The following TLE4 variants were observed in gnomAD, a reference collection of about 807,000 sequenced individuals.
TLE4 encodes transducin-like enhancer protein 4.
A neutral mutation model predicts 92.8 loss-of-function variants in TLE4; 8 were observed. The ratio of observed to expected loss-of-function variants is 0.09; its 90% confidence interval spans 0.05 to 0.16. TLE4 has a LOEUF of 0.16. Ranked by LOEUF, TLE4 falls within the 10% of genes least tolerant of loss-of-function variation. The pLI, the probability that TLE4 is intolerant of heterozygous loss-of-function variation, is 1.00. For synonymous variants in TLE4, 371 were observed against 374.1 expected (o/e 0.99, Z 0.10); for missense variants, 675 against 997.6 (o/e 0.68, Z 4.36).
intron 4 of TLE4, among the ~76,000 whole-genome samples, chr9:79,593,050 C>G (rs1338164068): frequency 6.6e-6 from 1 of 152,138 alleles, no homozygotes; most frequent in Non-Finnish European, 1.5e-5. Flanking sequence ...GTATTTTCAA[C>G]CTTTACCCCT....
At chr9:79,573,464 C>T (rs2036548538) in intron 1 of TLE4, 6 of 1,035,752 alleles carry the variant, frequency 5.8e-6, no homozygotes, top group Non-Finnish European at 7.5e-6. Context: ...GTCCGGGGCG[C>T]GGGGGCCTGC....
chr9:79,715,847 G>T (rs2074390980), intron 14 of TLE4, among the ~76,000 whole-genome samples: 1 of 152,042 alleles, frequency 6.6e-6, no homozygotes, highest in Non-Finnish European at 1.5e-5. Flanking sequence ...GGTTCACAAA[G>T]AAGAGCTTAT....
chr9:79,611,225 A>G (rs1022513471), intron 4 of TLE4, among the ~76,000 whole-genome samples: 1 of 152,062 alleles, frequency 6.6e-6, no homozygotes, highest in African/African-American at 2.4e-5. Context: ...TGGCTTAAGC[A>G]TTCTTAAAGG....
At chr9:79,678,712 C>A (rs2063780420) in intron 8 of TLE4, among the ~76,000 whole-genome samples, 2 of 151,650 alleles carry the variant, frequency 1.3e-5, no homozygotes, top group South Asian at 4.2e-4. Flanking sequence ...TGTTGGTGTA[C>A]TGCATCCATT....
intron 8 of TLE4, among the ~76,000 whole-genome samples, chr9:79,704,457 G>C (rs1269357444): frequency 6.6e-6 from 1 of 152,080 alleles, no homozygotes; most frequent in Non-Finnish European, 1.5e-5. Context: ...CAATATATCC[G>C]TAAAACCAAA....
At chr9:79,644,068 A>G (rs11138316) in intron 6 of TLE4, among the ~76,000 whole-genome samples, 83,564 of 151,902 alleles carry the variant, frequency 0.55, 25,544 homozygotes, top group East Asian at 0.74. Flanking sequence ...CTCATCTTGA[A>G]TTATAGTTCC....
At chr9:79,582,190 C>G (rs1043515088) in intron 4 of TLE4, among the ~76,000 whole-genome samples, 2 of 152,024 alleles carry the variant, frequency 1.3e-5, no homozygotes, top group Non-Finnish European at 2.9e-5. Flanking sequence ...GAAAGAGGTT[C>G]GTCGATGCAG....
chr9:79,649,814 C>T, intron 6 of TLE4: 1 of 1,365,192 alleles, frequency 7.3e-7, no homozygotes, highest in Non-Finnish European at 9.8e-7. Context: ...ATTTTTTATC[C>T]TGTAGGAGAA....
chr9:79,723,625 G>C (rs1279869139), intron 19 of TLE4, among the ~76,000 whole-genome samples: 1 of 152,160 alleles, frequency 6.6e-6, no homozygotes, highest in East Asian at 1.9e-4. Context: ...GAATTTCATA[G>C]GCAAGGTGAA....
At chr9:79,668,115 G>A (rs2061695400) in intron 8 of TLE4, among the ~76,000 whole-genome samples, 1 of 152,224 alleles carries the variant, frequency 6.6e-6, no homozygotes, top group Non-Finnish European at 1.5e-5. Context: ...GTATACAGTG[G>A]TGGTATTGAC....
At chr9:79,708,048 C>T in intron 11 of TLE4, 70 bp from the exon 12 acceptor site, 1 of 1,500,638 alleles carries the variant, frequency 6.7e-7, no homozygotes. Flanking sequence ...TTTTCTTTAC[C>T]TTTTTACTGT....
chr9:79,715,939 C>T (rs948301252), intron 14 of TLE4, among the ~76,000 whole-genome samples: 1 of 152,192 alleles, frequency 6.6e-6, no homozygotes, highest in African/African-American at 2.4e-5. Context: ...GAGTGCTCCA[C>T]GTTCTATTTC....
At chr9:79,595,431 A>G (rs1278083215) in intron 4 of TLE4, among the ~76,000 whole-genome samples, 1 of 152,200 alleles carries the variant, frequency 6.6e-6, no homozygotes, top group East Asian at 1.9e-4. Context: ...TTAAAAAACA[A>G]AACAAAAAAC....
intron 6 of TLE4, among the ~76,000 whole-genome samples, chr9:79,646,625 T>A (rs887585797): frequency 1.3e-5 from 2 of 152,144 alleles, no homozygotes; most frequent in Non-Finnish European, 2.9e-5. Flanking sequence ...ATAAAATACC[T>A]GCTACTCTAG....
intron 4 of TLE4, among the ~76,000 whole-genome samples, chr9:79,604,474 G>GT (rs1229265726): frequency 1.3e-5 from 2 of 152,122 alleles, no homozygotes; most frequent in Admixed American, 6.6e-5. Flanking sequence ...TTGTAAGGAT[G>GT]TTTTGGTAAT....
At chr9:79,652,954 C>T in intron 7 of TLE4, 160 bp downstream of exon 7, 1 of 842,670 alleles carries the variant, frequency 1.2e-6, no homozygotes, top group Non-Finnish European at 2.0e-6. Flanking sequence ...AGTCAATTGC[C>T]AAATGATATT....
intron 8 of TLE4, among the ~76,000 whole-genome samples, chr9:79,702,422 G>T (rs571359069): frequency 6.6e-6 from 1 of 152,308 alleles, no homozygotes; most frequent in South Asian, 2.1e-4. Flanking sequence ...ATGATTGCAT[G>T]CATGGTTTCA....
intron 4 of TLE4, among the ~76,000 whole-genome samples, chr9:79,603,897 T>TG (rs1377295768): frequency 6.6e-6 from 1 of 152,184 alleles, no homozygotes; most frequent in Non-Finnish European, 1.5e-5. Context: ...GGGTCTGGTC[T>TG]GTGGACCAGC....
At chr9:79,618,084 T>A (rs1487479785) in intron 5 of TLE4, among the ~76,000 whole-genome samples, 1 of 152,192 alleles carries the variant, frequency 6.6e-6, no homozygotes, top group African/African-American at 2.4e-5. Context: ...CCACAGATAG[T>A]TGTAAGGGAG....
Sources: allele counts gnomAD v4.1 joint callset (sites outside exome capture counted in the v4.1 genomes callset), GRCh38; gene constraint gnomAD v4.1.1; transcripts MANE v1.5; gene names NCBI Gene and HGNC (gene_info 2026-07-23, HGNC 2026-07-21).